The following SERINC5 variants were observed in gnomAD, a reference collection of about 807,000 sequenced individuals.
SERINC5 encodes the protein serine incorporator 5.
Under a neutral mutation model 63.1 loss-of-function variants are expected in SERINC5, and 41 were observed. The ratio of observed to expected loss-of-function variants is 0.65; its 90% CI spans 0.51 to 0.84. The LOEUF is 0.84. Ranked by LOEUF, SERINC5 falls within the 40% of genes least tolerant of loss-of-function variation. The pLI, the probability that SERINC5 is intolerant of heterozygous loss-of-function variation, is 0.00. For synonymous variants in SERINC5, 222 were observed against 215.2 expected (o/e 1.03, Z -0.28); for missense variants, 523 against 573.0 (o/e 0.91, Z 0.89).
At chr5:80,213,691 A>G (rs889941335) in intron 1 of SERINC5, among the ~76,000 whole-genome samples, 2 of 152,138 alleles carry the variant, frequency 1.3e-5, no homozygotes, top group Non-Finnish European at 2.9e-5. Context: ...TCTCCCATGC[A>G]AACTCTGGCC....
intron 1 of SERINC5, among the ~76,000 whole-genome samples, chr5:80,218,193 A>G (rs1273126113): frequency 6.6e-6 from 1 of 152,182 alleles, no homozygotes; most frequent in African/African-American, 2.4e-5. Context: ...TTCCCTCATG[A>G]CAGTTAAAAC....
At chr5:80,244,056 A>G (rs1752059096) in intron 1 of SERINC5, among the ~76,000 whole-genome samples, 1 of 152,074 alleles carries the variant, frequency 6.6e-6, no homozygotes, top group South Asian at 2.1e-4. Context: ...TTTTCCTACT[A>G]CCATCCTTTT....
intron 1 of SERINC5, among the ~76,000 whole-genome samples, chr5:80,253,444 C>A (rs939917576): frequency 3.3e-5 from 5 of 152,188 alleles, no homozygotes; most frequent in Non-Finnish European, 5.9e-5. Context: ...CCGTTACAGT[C>A]CAGTCTTCAC....
chr5:80,222,143 G>T (rs1750930593), intron 1 of SERINC5, among the ~76,000 whole-genome samples: 2 of 152,012 alleles, frequency 1.3e-5, no homozygotes, highest in African/African-American at 4.8e-5. Flanking sequence ...GTGAGACTTT[G>T]TCTCAAATAA....
chr5:80,116,588 C>T (rs1744328805), intron 11 of SERINC5, among the ~76,000 whole-genome samples: 2 of 152,092 alleles, frequency 1.3e-5, no homozygotes, highest in African/African-American at 4.8e-5. Context: ...AGTAACTGAG[C>T]TCAGACGCTA....
At chr5:80,133,107 GCTC>G (rs1470673502) in intron 11 of SERINC5, among the ~76,000 whole-genome samples, 1 of 152,142 alleles carries the variant, frequency 6.6e-6, no homozygotes, top group Non-Finnish European at 1.5e-5. Flanking sequence ...CTCCCTACCT[GCTC>G]CTCTTCTTGC....
intron 2 of SERINC5, among the ~76,000 whole-genome samples, chr5:80,198,233 A>T (rs1749626196): frequency 6.6e-6 from 1 of 152,172 alleles, no homozygotes; most frequent in Non-Finnish European, 1.5e-5. Flanking sequence ...TGCAAAATAA[A>T]TAGCCCTTAT....
chr5:80,122,164 TAGTC>T (rs1012716540), intron 11 of SERINC5, among the ~76,000 whole-genome samples: 9 of 148,322 alleles, frequency 6.1e-5, no homozygotes, highest in Admixed American at 1.3e-4. Flanking sequence ...ACCTCTGTAT[TAGTC>T]AGGCTTCTCT....
chr5:80,194,691 G>A (rs1749396890), intron 2 of SERINC5, among the ~76,000 whole-genome samples: 2 of 152,100 alleles, frequency 1.3e-5, no homozygotes, highest in African/African-American at 2.4e-5. Flanking sequence ...CCCAGGCAGC[G>A]CTATTTCCAA....
chr5:80,242,622 C>A (rs991780707), intron 1 of SERINC5, among the ~76,000 whole-genome samples: 1 of 152,066 alleles, frequency 6.6e-6, no homozygotes, highest in Non-Finnish European at 1.5e-5. Context: ...TAGTGGCATG[C>A]GCCTGTAGTT....
intron 11 of SERINC5, among the ~76,000 whole-genome samples, chr5:80,121,101 G>A (rs545192199): frequency 5.3e-5 from 8 of 152,246 alleles, no homozygotes; most frequent in Non-Finnish European, 1.2e-4. Context: ...TGGTCAGGCT[G>A]GTCCCGAACT....
chr5:80,137,213 A>T (rs1745237454), downstream of SERINC5, among the ~76,000 whole-genome samples: 1 of 151,670 alleles, frequency 6.6e-6, no homozygotes, highest in Non-Finnish European at 1.5e-5. Flanking sequence ...ATGATCCAGC[A>T]ATCCCACTAA....
At chr5:80,219,088 C>A (rs1466036440) in intron 1 of SERINC5, among the ~76,000 whole-genome samples, 1 of 152,194 alleles carries the variant, frequency 6.6e-6, no homozygotes, top group Non-Finnish European at 1.5e-5. Context: ...AAATGTCAGA[C>A]AACAGGCCTC....
At chr5:80,207,443 CAG>C (rs1750228090) in intron 1 of SERINC5, among the ~76,000 whole-genome samples, 1 of 152,188 alleles carries the variant, frequency 6.6e-6, no homozygotes, top group Non-Finnish European at 1.5e-5. Flanking sequence ...ATTATCTCCA[CAG>C]AGGGAAAAAT....
At chr5:80,136,597 T>A (rs944395736), downstream of SERINC5, among the ~76,000 whole-genome samples, 7 of 152,024 alleles carry the variant, frequency 4.6e-5, no homozygotes, top group Non-Finnish European at 8.8e-5. Flanking sequence ...GCAACAAAAA[T>A]GTAGACAAGA....
At chr5:80,121,028 T>C (rs574023753) in intron 11 of SERINC5, among the ~76,000 whole-genome samples, 2 of 152,066 alleles carry the variant, frequency 1.3e-5, no homozygotes, top group South Asian at 2.1e-4. Context: ...GCTGGGACTA[T>C]AGGCATGTGC....
chr5:80,133,198 T>C (rs977068790), intron 11 of SERINC5, among the ~76,000 whole-genome samples: 1 of 152,242 alleles, frequency 6.6e-6, no homozygotes, highest in South Asian at 2.1e-4. Context: ...GCCGAGCAGA[T>C]GCCAGTACCA....
chr5:80,172,605 C>T (rs929668607), intron 5 of SERINC5, among the ~76,000 whole-genome samples: 3 of 149,180 alleles, frequency 2.0e-5, no homozygotes, highest in Non-Finnish European at 2.9e-5. Flanking sequence ...TGATAATGAC[C>T]GTCATATTCC....
Position 80,140,532 on chromosome 5 carries a change from A to C in SERINC5, c.*3131T>G. ...AAGAGGCTCCAAATACCTCTGGCAA[A>C]TAATTTCTTTTTCAGACAAAATGAA... On this transcript the variant is annotated 3_prime_UTR_variant, in exon 12 of 12. Coordinates refer to ENST00000507668, the MANE Select transcript of SERINC5 (RefSeq NM_001174072.3). 1.0e-6 allele frequency: 1 copy of C among 985,038 alleles called. No individual in the cohort carries two copies. Among genetic ancestry groups the C allele is most frequent in the Non-Finnish European group, 1.2e-6 (1 of 829,834 alleles). 61.0% of individuals were successfully genotyped at this position (985,038 alleles called of 1,614,324 possible). A position where few individuals can be genotyped will look rare whatever the true frequency, so the allele number is the denominator to read the frequency against.
Sources: allele counts gnomAD v4.1 joint callset (sites outside exome capture counted in the v4.1 genomes callset), GRCh38; gene constraint gnomAD v4.1.1; transcripts MANE v1.5; gene names NCBI Gene and HGNC (gene_info 2026-07-23, HGNC 2026-07-21).